Variants in PGR observed in about 807,000 individuals in gnomAD.
PGR encodes the protein nuclear receptor subfamily 3 group C member 3.
Under a neutral mutation model 76.1 loss-of-function variants are expected in PGR, and 25 were observed. The observed-to-expected ratio is 0.33, with a 90% CI of 0.24 to 0.46. The LOEUF (loss-of-function observed/expected upper bound fraction) is 0.46. Among genes scored for constraint, PGR ranks in the 20% least tolerant of loss-of-function variants. PGR has a pLI of 1.00. For missense variants in PGR, 1,172 were observed against 1,225.3 expected (o/e 0.96, Z 0.65); for synonymous variants, 579 against 535.0 (o/e 1.08, Z -1.14).
intron 3 of PGR, among the ~76,000 whole-genome samples, chr11:101,076,716 T>C (rs1325702450): frequency 6.6e-6 from 1 of 151,550 alleles, no homozygotes; most frequent in Non-Finnish European, 1.5e-5. Context: ...AATAAAAATT[T>C]TGAAATATCT....
rs1446533661 is a variant in PGR, at chr11:101,036,501, A to G, written c.*2615T>C. 5.0e-6 allele frequency: 1 copy of G among 200,066 alleles called. No homozygotes were observed. Among genetic ancestry groups the G allele is most frequent in the Admixed American group, 6.0e-5 (1 of 16,624 alleles). The allele number at this position is 200,066 out of a possible 1,614,324, so 12.4% of individuals were successfully genotyped here. On this transcript the variant is annotated 3_prime_UTR_variant, in exon 8 of 8. Transcript: ENST00000325455. ...TTAGTGTCATTTTAGAGCTACCAGA[A>G]AGAACACGACATGTAAAATGAAGAT...
At chr11:101,127,345 T>A (rs3740752) in intron 1 of PGR, 89 bp downstream of exon 1, 142,996 of 988,458 alleles carry the variant, frequency 0.14, 11,428 homozygotes, top group Non-Finnish European at 0.16. Flanking sequence ...AGCGGTGCGC[T>A]GGGGCTGGGG....
chr11:101,121,800 G>A (rs1389420456), intron 2 of PGR, among the ~76,000 whole-genome samples: 1 of 152,160 alleles, frequency 6.6e-6, no homozygotes, highest in East Asian at 1.9e-4. Context: ...CTGGCGCATG[G>A]CAGGTACTCA....
intron 2 of PGR, among the ~76,000 whole-genome samples, chr11:101,120,099 C>A (rs762960390): frequency 7.2e-5 from 11 of 152,218 alleles, no homozygotes; most frequent in Non-Finnish European, 1.6e-4. Flanking sequence ...GAATAAACTG[C>A]CATTCTTCTC....
Position 101,127,776 on chromosome 11 carries a change from G to C in PGR, c.1295C>G (p.Ser432Cys). 1 of 1,563,818 alleles carries C rather than the reference G, an allele frequency of 6.4e-7. No individual in the cohort carries two copies. The highest frequency in any genetic ancestry group is 8.6e-7 in the Non-Finnish European group (1 of 1,163,244). The change falls in exon 1 of 8, where the codon TCC becomes TGC. Residue 432 changes from serine (S) to cysteine (C), a missense_variant. Physicochemically the swap from Ser to Cys is moderately radical, Grantham distance 112. Around this residue, in one of 4 missense-constraint regions of PGR, gnomAD observed 893 missense variants for 785.9 expected, o/e 1.14. Coordinates refer to ENST00000325455, the MANE Select transcript of PGR (RefSeq NM_000926.4). ...CGTCACCGCCGCTTCCCCGGGTCTG[G>C]ATGGGGTCGCTCGCGGCGGCAGCGG... ...PPPLPPRATP[S>C]RPGEAAVTAA...
At chr11:101,116,973 G>A (rs1470274277) in intron 2 of PGR, among the ~76,000 whole-genome samples, 1 of 151,972 alleles carries the variant, frequency 6.6e-6, no homozygotes, top group Non-Finnish European at 1.5e-5. Context: ...TCTTTTCATT[G>A]CAAGGGTATA....
rs142090762 is a variant in PGR, at chr11:101,073,614, A to G, written c.1907-10862T>C. Among the ~76,000 whole-genome samples, 312 of 152,310 alleles carry G rather than the reference A, an allele frequency of 2.0e-3. 1 individual carries two copies. Among genetic ancestry groups the G allele is most frequent in the African/African-American group, 7.0e-3 (289 of 41,576 alleles). ...AGACTAATAAAGAAGGGAGAGAAGAATCAAGTAGACACAATAAAAAATGAT... is the reference window on the plus strand; with the variant it reads ...AGACTAATAAAGAAGGGAGAGAAGAGTCAAGTAGACACAATAAAAAATGAT... On this transcript the variant is annotated intron_variant, in intron 3 of 7. Transcript: ENST00000325455.
In PGR at chr11:101,073,952, AAAGAGGGAATCCTCC is replaced by A. The variant is rs1413694615; in HGVS notation, c.1907-11215_1907-11201del. ...TCTAAAACTATTCCAAACAATAGAA[AAAGAGGGAATCCTCC>A]CTAACTCATTTTATTTGGTATCATC... On this transcript the variant is annotated intron_variant, in intron 3 of 7. Transcript: ENST00000325455. Among the ~76,000 whole-genome samples the A allele has an allele frequency of 3.9e-5, 6 of 152,192 alleles. 1 individual carries two copies. Among genetic ancestry groups the A allele is most frequent in the Admixed American group, 3.9e-4 (6 of 15,278 alleles).
intron 2 of PGR, among the ~76,000 whole-genome samples, chr11:101,110,275 T>C (rs1471775004): frequency 6.6e-6 from 1 of 152,188 alleles, no homozygotes; most frequent in African/African-American, 2.4e-5. Flanking sequence ...GCAAAGTACA[T>C]TGAAAATCTT....
chr11:101,083,720 T>C (rs1321184026), intron 3 of PGR, among the ~76,000 whole-genome samples: 1 of 152,186 alleles, frequency 6.6e-6, no homozygotes, highest in Non-Finnish European at 1.5e-5. Context: ...TTTTGGCCAG[T>C]TACTCCCATT....
rs1442474199 is a variant in PGR at position 101,127,467 on chromosome 11, G to T, written c.1604C>A (p.Pro535Gln). 2 of 1,561,282 alleles carry T rather than the reference G, an allele frequency of 1.3e-6. No homozygotes were observed. The highest frequency in any genetic ancestry group is 8.6e-7 in the Non-Finnish European group (1 of 1,156,838). Residue 535 changes from proline (P) to glutamine (Q), a missense_variant, in exon 1 of 8, where the codon CCG becomes CAG. Pro to Gln is a moderately conservative substitution (Grantham distance 76). This residue lies in a region of PGR where 893 missense variants were observed against 785.9 expected (regional missense o/e 1.14). Transcript: ENST00000325455. ...GTTGAGATAGGGCGGGTAGACCTGCGGCAGGCCCTCCTTGAGCACGGCGGC... is the reference window on the plus strand; with the variant it reads ...GTTGAGATAGGGCGGGTAGACCTGCTGCAGGCCCTCCTTGAGCACGGCGGC... Reference protein sequence around the residue: ...YQAAVLKEGLPQVYPPYLNYL... With the variant: ...YQAAVLKEGLQQVYPPYLNYL...
chr11:101,107,702 A>G (rs971286823), intron 2 of PGR, among the ~76,000 whole-genome samples: 1 of 152,082 alleles, frequency 6.6e-6, no homozygotes, highest in African/African-American at 2.4e-5. Context: ...TCCTTCCCTC[A>G]TATCTATGAA....
chr11:101,053,033 G>C (rs938181295), intron 4 of PGR, among the ~76,000 whole-genome samples: 1 of 152,056 alleles, frequency 6.6e-6, no homozygotes, highest in Non-Finnish European at 1.5e-5. Context: ...AAATTTGAAA[G>C]TTATTTGTAT....
intron 3 of PGR, among the ~76,000 whole-genome samples, chr11:101,081,396 T>A (rs1861303011): frequency 6.6e-6 from 1 of 150,804 alleles, no homozygotes; most frequent in African/African-American, 2.4e-5. Flanking sequence ...ACCACTGCAC[T>A]CCAGCCTGTG....
chr11:101,127,620 C>A lies in PGR; in HGVS notation c.1451G>T (p.Gly484Val). ...CCGCGGGAGCAGGCAGCCGCTCGCG[C>A]CCGGCGCCTTGCAGGGCGGCGGCGC... Reference protein sequence around the residue: ...PFAPPPCKAPGASGCLLPRDG... With the variant: ...PFAPPPCKAPVASGCLLPRDG... The change falls in exon 1 of 8, where the codon GGC (glycine) becomes GTC (valine). Residue 484 changes from glycine (G) to valine (V), a missense_variant. Transcript: ENST00000325455. 7.6e-7 allele frequency: 1 copy of A among 1,319,730 alleles called. No homozygotes were observed. 81.8% of individuals were successfully genotyped at this position (1,319,730 alleles called of 1,614,324 possible).
intron 2 of PGR, among the ~76,000 whole-genome samples, chr11:101,100,709 C>T (rs1861970897): frequency 6.6e-6 from 1 of 151,858 alleles, no homozygotes; most frequent in African/African-American, 2.4e-5. Flanking sequence ...TAATTCTCAA[C>T]TAGAGGCAAT....
intron 2 of PGR, among the ~76,000 whole-genome samples, chr11:101,108,015 A>T (rs1004744193): frequency 4.6e-5 from 7 of 152,090 alleles, no homozygotes; most frequent in South Asian, 2.1e-4. Flanking sequence ...GCACTTTGGG[A>T]GGCTGAGGCA....
intron 2 of PGR, among the ~76,000 whole-genome samples, chr11:101,093,788 G>A (rs1301209106): frequency 1.3e-5 from 2 of 152,164 alleles, no homozygotes; most frequent in Admixed American, 6.5e-5. Context: ...AACAGACTTC[G>A]AGAAATAGAG....
intron 2 of PGR, among the ~76,000 whole-genome samples, chr11:101,114,003 C>T (rs1373970403): frequency 6.6e-6 from 1 of 152,192 alleles, no homozygotes; most frequent in East Asian, 1.9e-4. Context: ...GAAACACTCA[C>T]TGAAGTGCTC....
Sources: allele counts gnomAD v4.1 joint callset (sites outside exome capture counted in the v4.1 genomes callset), GRCh38; gene constraint gnomAD v4.1.1; regional missense constraint gnomAD v4.1.1; transcripts MANE v1.5; gene names NCBI Gene and HGNC (gene_info 2026-07-23, HGNC 2026-07-21).